Variants in YTHDC2 observed in about 807,000 individuals in gnomAD.
YTHDC2 encodes YTH N6-methyladenosine RNA binding protein C2.
Under a neutral mutation model 174.9 loss-of-function variants are expected in YTHDC2, and 45 were observed. The observed-to-expected ratio is 0.26, with a 90% CI of 0.20 to 0.33. YTHDC2 has a LOEUF of 0.33. YTHDC2 is among the 10% of genes least tolerant of loss of function. The probability of loss-of-function intolerance (pLI) is 1.00; values close to 1 mark genes in which losing one functional copy is unlikely to be tolerated. For synonymous variants in YTHDC2, 657 were observed against 574.5 expected, an observed-to-expected ratio of 1.14 and a Z score of -2.05; for missense variants, 1,650 against 1,723.7, an observed-to-expected ratio of 0.96 and a Z score of 0.76.
chr5:113,538,409 C>G (rs777672217), intron 7 of YTHDC2, among the ~76,000 whole-genome samples: 1 of 152,152 alleles, frequency 6.6e-6, no homozygotes, highest in Non-Finnish European at 1.5e-5. Flanking sequence ...TTTCCTCTTA[C>G]CTCATCTTGA....
chr5:113,539,522 A>G (rs1229971109), intron 8 of YTHDC2, among the ~76,000 whole-genome samples: 1 of 152,228 alleles, frequency 6.6e-6, no homozygotes, highest in African/African-American at 2.4e-5. Context: ...GGAGGGAGTG[A>G]AAAAAGTAGT....
chr5:113,576,613 T>C (rs914692180), intron 23 of YTHDC2, among the ~76,000 whole-genome samples: 1 of 152,176 alleles, frequency 6.6e-6, no homozygotes, highest in Non-Finnish European at 1.5e-5. Flanking sequence ...AGATAAAATA[T>C]TTAAAGATTC....
At chr5:113,589,377 T>C (rs2112819225) in intron 26 of YTHDC2, among the ~76,000 whole-genome samples, 1 of 119,982 alleles carries the variant, frequency 8.3e-6, no homozygotes, top group Non-Finnish European at 1.7e-5. Context: ...TCTCTAGAAG[T>C]TCAAGTCTTT....
At chr5:113,522,039 C>G (rs977570008) in intron 2 of YTHDC2, among the ~76,000 whole-genome samples, 1 of 151,284 alleles carries the variant, frequency 6.6e-6, no homozygotes, top group Non-Finnish European at 1.5e-5. Flanking sequence ...TGGTTTGGAG[C>G]TAGATCTTTG....
At chr5:113,519,065 G>T (rs1032647796) in intron 2 of YTHDC2, among the ~76,000 whole-genome samples, 2 of 151,658 alleles carry the variant, frequency 1.3e-5, no homozygotes, top group South Asian at 4.2e-4. Context: ...TAGAGATGGG[G>T]TCTTGCTATG....
At chr5:113,524,566 G>A (rs1774085966) in intron 2 of YTHDC2, among the ~76,000 whole-genome samples, 1 of 152,010 alleles carries the variant, frequency 6.6e-6, no homozygotes, top group African/African-American at 2.4e-5. Flanking sequence ...AGCATTCACT[G>A]GGACATATTA....
intron 25 of YTHDC2, chr5:113,583,722 T>A (rs1179694241): frequency 6.6e-6 from 1 of 152,392 alleles, no homozygotes; most frequent in African/African-American, 2.4e-5. Context: ...GACCTCGTAA[T>A]CTGCCCGCCT....
At chr5:113,518,712 A>T (rs1205574203) in intron 2 of YTHDC2, among the ~76,000 whole-genome samples, 1 of 151,670 alleles carries the variant, frequency 6.6e-6, no homozygotes, top group African/African-American at 2.4e-5. Flanking sequence ...TCATTCTCTT[A>T]TTTGGGCTTT....
At chr5:113,522,160 G>A (rs1295044180) in intron 2 of YTHDC2, among the ~76,000 whole-genome samples, 5 of 148,448 alleles carry the variant, frequency 3.4e-5, no homozygotes, top group Admixed American at 1.3e-4. Flanking sequence ...TTTTTTGGTG[G>A]TGGTTGTTGT....
At chr5:113,587,904 G>C (rs1008296129) in intron 26 of YTHDC2, among the ~76,000 whole-genome samples, 6 of 151,788 alleles carry the variant, frequency 4.0e-5, no homozygotes, top group African/African-American at 1.5e-4. Flanking sequence ...TAGTATATCT[G>C]TTCATTATTT....
intron 7 of YTHDC2, among the ~76,000 whole-genome samples, chr5:113,537,352 G>T (rs78101374): frequency 7.2e-6 from 1 of 138,980 alleles, no homozygotes; most frequent in Non-Finnish European, 1.5e-5. Flanking sequence ...TTTATGGTTG[G>T]CTCTCTCTCT....
intron 23 of YTHDC2, among the ~76,000 whole-genome samples, chr5:113,576,766 G>A (rs145627927): frequency 7.5e-4 from 114 of 151,816 alleles, no homozygotes; most frequent in African/African-American, 1.2e-3. Flanking sequence ...GAATGATAGC[G>A]TTATAATTTA....
intron 9 of YTHDC2, 78 bp from the exon 10 acceptor site, chr5:113,542,290 A>ATTGTGGCCATCTT: frequency 6.8e-7 from 1 of 1,461,184 alleles, no homozygotes; most frequent in Admixed American, 2.0e-5. Flanking sequence ...CCTGATGGCC[A>ATTGTGGCCATCTT]TTGTGGCCAT....
At chr5:113,529,490 A>G (rs568772702) in intron 4 of YTHDC2, among the ~76,000 whole-genome samples, 2 of 152,314 alleles carry the variant, frequency 1.3e-5, no homozygotes, top group South Asian at 2.1e-4. Context: ...AAGAGTTAAC[A>G]TCTTTCTGTA....
intron 27 of YTHDC2, among the ~76,000 whole-genome samples, 170 bp downstream of exon 27, chr5:113,591,414 C>A (rs1309659832): frequency 6.6e-6 from 1 of 152,122 alleles, no homozygotes; most frequent in Non-Finnish European, 1.5e-5. Flanking sequence ...GAACTGGAAT[C>A]CTCTTTGTTT....
At chr5:113,570,485 A>T (rs1008448817) in intron 23 of YTHDC2, among the ~76,000 whole-genome samples, 5 of 152,086 alleles carry the variant, frequency 3.3e-5, no homozygotes, top group African/African-American at 1.2e-4. Flanking sequence ...TTGTTGGTAT[A>T]TAGGAATGCT....
intron 8 of YTHDC2, 77 bp downstream of exon 8, chr5:113,539,258 G>C: frequency 1.9e-6 from 1 of 537,996 alleles, no homozygotes; most frequent in South Asian, 3.4e-5. Flanking sequence ...CTTACATTGT[G>C]GAGGTACAAG....
rs759080800 is a variant in YTHDC2, at chr5:113,563,903, G to A, written c.2487G>A (p.Gly829=). Residue 829 remains glycine (G), a synonymous_variant, in exon 20 of 30, where the codon GGG becomes GGA. Coordinates refer to ENST00000161863, the MANE Select transcript of YTHDC2 (RefSeq NM_022828.5). ...CATGGGAAGATCTGACTGAACTTGG[G>A]TATCATTTGGCTGACTTGCCAGTAG... is the stretch of plus-strand genomic sequence containing the variant. ...MDTWEDLTEL[G]YHLADLPVEP... is the part of the protein sequence containing the mutation. 5.0e-6 allele frequency: 8 copies of A among 1,614,132 alleles called. No individual in the cohort carries two copies. The highest frequency in any genetic ancestry group is 3.3e-5 in the South Asian group (3 of 91,084).
In YTHDC2 at chr5:113,567,699, A is replaced by G. The variant is rs150181950; in HGVS notation, c.3094A>G (p.Thr1032Ala). 3.1e-6 allele frequency: 5 copies of G among 1,608,020 alleles called. No individual in the cohort carries two copies. The highest frequency in any genetic ancestry group is 4.2e-6 in the Non-Finnish European group (5 of 1,177,584). ...GQAAAIKALP[T>A]DWLIYDEMTR... ...AGCTGCAGCAATTAAGGCACTGCCCACAGATTGGCTTATTTATGATGAAAT... is the reference window on the plus strand; with the variant it reads ...AGCTGCAGCAATTAAGGCACTGCCCGCAGATTGGCTTATTTATGATGAAAT... Residue 1032 changes from threonine to alanine, a missense_variant, in exon 23 of 30, where the codon ACA becomes GCA. This residue lies in a region of YTHDC2 where 913 missense variants were observed against 940.4 expected (regional missense o/e 0.97). Coordinates refer to ENST00000161863, the MANE Select transcript of YTHDC2 (RefSeq NM_022828.5).
Sources: allele counts gnomAD v4.1 joint callset (sites outside exome capture counted in the v4.1 genomes callset), GRCh38; gene constraint gnomAD v4.1.1; regional missense constraint gnomAD v4.1.1; transcripts MANE v1.5; gene names NCBI Gene and HGNC (gene_info 2026-07-23, HGNC 2026-07-21).